The following SLAIN1 variants were observed in gnomAD, a reference collection of about 807,000 sequenced individuals.
The protein encoded by SLAIN1 is SLAIN family member 1, also known as SLAIN motif-containing protein 1.
Under a neutral mutation model 55.4 loss-of-function variants are expected in SLAIN1, and 17 were observed. The observed-to-expected ratio is 0.31, with a 90% CI of 0.21 to 0.46. SLAIN1 has a LOEUF of 0.46. Ranked by LOEUF, SLAIN1 falls within the 20% of genes least tolerant of loss-of-function variation. The probability of loss-of-function intolerance (pLI) is 1.00; values close to 1 mark genes in which losing one functional copy is unlikely to be tolerated. For missense variants in SLAIN1, 682 were observed against 785.1 expected, an observed-to-expected ratio of 0.87 and a Z score of 1.57; for synonymous variants, 348 against 337.4, an observed-to-expected ratio of 1.03 and a Z score of -0.35.
chr13:77,698,887 G>C lies in SLAIN1; in HGVS notation c.626+348G>C, dbSNP rs953634278. ...TCATCTTGTCTTTTTGCTCAGTGCT[G>C]CTCTTTTCCCCAGTGTTTTCGGAGG... On this transcript the variant is annotated intron_variant, in intron 1 of 6. Coordinates refer to ENST00000418532, the MANE Select transcript of SLAIN1 (RefSeq NM_001242868.2). This position sits in a 1 kb window ranked among gnomAD's most constrained non-coding sequence, Gnocchi z 4.1. The C allele has an allele frequency of 3.9e-6, 6 of 1,531,356 alleles. No individual in the cohort carries two copies. Among genetic ancestry groups the C allele is most frequent in the Admixed American group, 3.9e-5 (2 of 50,916 alleles). The allele number at this position is 1,531,356 out of a possible 1,614,324, so 94.9% of individuals were successfully genotyped here.
chr13:77,759,991 A>G (rs576275314), intron 5 of SLAIN1, among the ~76,000 whole-genome samples: 1 of 152,202 alleles, frequency 6.6e-6, no homozygotes, highest in Non-Finnish European at 1.5e-5. Flanking sequence ...TTTATTTCAA[A>G]AAAGTATTTA....
rs1208314566 is a variant in SLAIN1, at chr13:77,698,546, C to A, written c.626+7C>A. 2 of 1,423,438 alleles carry A rather than the reference C, an allele frequency of 1.4e-6. No homozygotes were observed. The highest frequency in any genetic ancestry group is 1.8e-6 in the Non-Finnish European group (2 of 1,099,376). The allele number at this position is 1,423,438 out of a possible 1,614,324, so 88.2% of individuals were successfully genotyped here. A position where few individuals can be genotyped will look rare whatever the true frequency, so the allele number is the denominator to read the frequency against. On this transcript the variant is annotated splice_region_variant and intron_variant, in intron 1 of 6. Transcript: ENST00000418532. The surrounding 1 kb of genome is among the most constrained non-coding windows in gnomAD (Gnocchi z 4.1). ...ACGAGGACGACTACACCTGGTACTG[C>A]CTGGCTCCGCTCCTTCCCCGAGACC... is the stretch of plus-strand genomic sequence containing the variant.
intron 2 of SLAIN1, among the ~76,000 whole-genome samples, chr13:77,724,835 A>AC (rs2091293247): frequency 6.6e-6 from 1 of 152,098 alleles, no homozygotes; most frequent in South Asian, 2.1e-4. Flanking sequence ...GGTGTGCTGC[A>AC]CCCAGTAACT....
chr13:77,713,182 A>G (rs983285486), intron 1 of SLAIN1, among the ~76,000 whole-genome samples: 2 of 152,240 alleles, frequency 1.3e-5, no homozygotes, highest in African/African-American at 4.8e-5. Flanking sequence ...ACCAAGAGCA[A>G]TGGCAACAAA....
At chr13:77,741,198 A>G in intron 2 of SLAIN1, 1 of 985,720 alleles carries the variant, frequency 1.0e-6, no homozygotes, top group Non-Finnish European at 1.2e-6. Flanking sequence ...GTATAAAATA[A>G]CATCATCTGT....
rs977718132 is a variant in SLAIN1 at position 77,715,630 on chromosome 13, C to T, written c.627-3902C>T. 7.9e-5 allele frequency among the ~76,000 whole-genome samples: 12 copies of T among 152,204 alleles called. 1 individual carries two copies. The highest frequency in any genetic ancestry group is 5.2e-4 in the Admixed American group (8 of 15,274). On this transcript the variant is annotated intron_variant, in intron 1 of 6. Transcript: ENST00000418532. ...GGTAGTATTTTTCATTTTAGCCATTCCAATAGGTATGTGGTAGAATCTCAT... is the reference window on the plus strand; with the variant it reads ...GGTAGTATTTTTCATTTTAGCCATTTCAATAGGTATGTGGTAGAATCTCAT...
At position 77,698,306 on chromosome 13, in the gene SLAIN1, C is replaced by T; in HGVS notation, c.393C>T (p.Pro131=). The T allele has an allele frequency of 2.1e-6, 3 of 1,445,012 alleles. No individual in the cohort carries two copies. The highest frequency in any genetic ancestry group is 3.1e-5 in the East Asian group (1 of 31,978). 89.5% of individuals were successfully genotyped at this position (1,445,012 alleles called of 1,614,324 possible). A position where few individuals can be genotyped will look rare whatever the true frequency, so the allele number is the denominator to read the frequency against. Residue 131 remains proline, a synonymous_variant, in exon 1 of 7, where the codon CCC becomes CCT. Transcript: ENST00000418532. The surrounding 1 kb of genome is among the most constrained non-coding windows in gnomAD (Gnocchi z 4.1). ...CGGGCACCTTCTGCCTGCCTAGCCC[C>T]GCGCCCTCCCTGCTTTGCAGCCTGG... ...AFPGTFCLPS[P]APSLLCSLAQ... is the part of the protein sequence containing the mutation.
intron 2 of SLAIN1, among the ~76,000 whole-genome samples, chr13:77,734,677 C>T (rs751060524): frequency 1.2e-3 from 189 of 152,272 alleles, no homozygotes; most frequent in Non-Finnish European, 1.9e-3. Flanking sequence ...AAGTAGAAAA[C>T]TCCTACAGAA....
Position 77,697,820 on chromosome 13 carries a change from G to T in SLAIN1, c.-94G>T. 8.5e-7 allele frequency: 1 copy of T among 1,177,366 alleles called. No homozygotes were observed. The highest frequency in any genetic ancestry group is 1.0e-6 in the Non-Finnish European group (1 of 952,420). 72.9% of individuals were successfully genotyped at this position (1,177,366 alleles called of 1,614,324 possible). On this transcript the variant is annotated 5_prime_UTR_variant, in exon 1 of 7. Transcript: ENST00000418532. Reference sequence around the variant, plus strand: ...GCGCGTGGTCGGCCCCCCAGGCCGGGGCGACAGGGAAGGAGCCGTAGCCTC... The same window carrying T: ...GCGCGTGGTCGGCCCCCCAGGCCGGTGCGACAGGGAAGGAGCCGTAGCCTC...
chr13:77,745,521 C>CA (rs1873756011), intron 3 of SLAIN1, among the ~76,000 whole-genome samples: 1 of 151,934 alleles, frequency 6.6e-6, no homozygotes, highest in Non-Finnish European at 1.5e-5. Flanking sequence ...GATAAAGTTA[C>CA]AAAAAATTAT....
intron 4 of SLAIN1, among the ~76,000 whole-genome samples, chr13:77,750,341 A>G (rs1468604888): frequency 1.3e-5 from 2 of 152,154 alleles, no homozygotes; most frequent in Non-Finnish European, 2.9e-5. Flanking sequence ...AAGCTCAATT[A>G]ATTTTCTCAA....
intron 3 of SLAIN1, 77 bp downstream of exon 3, chr13:77,744,509 C>T: frequency 6.3e-7 from 1 of 1,596,944 alleles, no homozygotes; most frequent in East Asian, 2.2e-5. Flanking sequence ...TCAGGCATTT[C>T]TCTCCAGGTA....
Position 77,698,677 on chromosome 13 carries a change from A to G in SLAIN1, c.626+138A>G. On this transcript the variant is annotated intron_variant, in intron 1 of 6. Transcript: ENST00000418532. This position sits in a 1 kb window ranked among gnomAD's most constrained non-coding sequence, Gnocchi z 4.1. ...CCGCGGCTCCCGGAGGGGCCGACCC[A>G]GCAGGTGTTGAGCCAGGCGGTGACA... 1 of 1,261,774 alleles carries G rather than the reference A, an allele frequency of 7.9e-7. No individual in the cohort carries two copies. Among genetic ancestry groups the G allele is most frequent in the East Asian group, 2.9e-5 (1 of 34,024 alleles). 78.2% of individuals were successfully genotyped at this position (1,261,774 alleles called of 1,614,324 possible).
chr13:77,697,819 G>A lies in SLAIN1; in HGVS notation c.-95G>A. The A allele has an allele frequency of 1.7e-6, 2 of 1,175,060 alleles. No individual in the cohort carries two copies. Among genetic ancestry groups the A allele is most frequent in the Non-Finnish European group, 2.1e-6 (2 of 950,656 alleles). The allele number at this position is 1,175,060 out of a possible 1,614,324, so 72.8% of individuals were successfully genotyped here. A position where few individuals can be genotyped will look rare whatever the true frequency, so the allele number is the denominator to read the frequency against. On this transcript the variant is annotated 5_prime_UTR_variant, in exon 1 of 7. Coordinates refer to ENST00000418532, the MANE Select transcript of SLAIN1 (RefSeq NM_001242868.2). The stretch of plus-strand genomic sequence containing the variant: ...CGCGCGTGGTCGGCCCCCCAGGCCG[G>A]GGCGACAGGGAAGGAGCCGTAGCCT...
chr13:77,714,376 C>T (rs544527043), intron 1 of SLAIN1, among the ~76,000 whole-genome samples: 1 of 152,184 alleles, frequency 6.6e-6, no homozygotes, highest in East Asian at 1.9e-4. Context: ...CCTTGAGAGG[C>T]TAAGGCAGGA....
At chr13:77,730,328 C>T (rs900715065) in intron 2 of SLAIN1, among the ~76,000 whole-genome samples, 3 of 152,100 alleles carry the variant, frequency 2.0e-5, no homozygotes, top group African/African-American at 4.8e-5. Context: ...TTTTGGAAAT[C>T]TGGTGAACTG....
In SLAIN1 at chr13:77,719,610, A is replaced by G. The variant is rs1422511423; in HGVS notation, c.705A>G (p.Leu235=). 3 of 1,613,446 alleles carry G rather than the reference A, an allele frequency of 1.9e-6. No individual in the cohort carries two copies. Among genetic ancestry groups the G allele is most frequent in the Admixed American group, 1.7e-5 (1 of 59,948 alleles). The change falls in exon 2 of 7, where the codon CTA becomes CTG. Residue 235 remains leucine, a synonymous_variant. Coordinates refer to ENST00000418532, the MANE Select transcript of SLAIN1 (RefSeq NM_001242868.2). ...LTPLQWCRHV[L]DNPTPEMEAA... Reference sequence around the variant, plus strand: ...CTTTGCAGTGGTGTAGACATGTCCTAGATAACCCAACTCCTGAGATGGAAG... The same window carrying G: ...CTTTGCAGTGGTGTAGACATGTCCTGGATAACCCAACTCCTGAGATGGAAG...
At chr13:77,746,973 T>TTGGA in intron 4 of SLAIN1, 118 bp downstream of exon 4, 1 of 914,662 alleles carries the variant, frequency 1.1e-6, no homozygotes, top group Non-Finnish European at 1.6e-6. Flanking sequence ...GTCTCCTAGG[T>TTGGA]TGGAGTGCAG....
rs1209209232 is a variant in SLAIN1 at position 77,760,741 on chromosome 13, A to G, written c.1415-87A>G. ...TCCTGTGTATATTGTACTCTCAGGC[A>G]TAATGGACTCTTCTGAAAATAACAC... On this transcript the variant is annotated intron_variant, in intron 5 of 6. Coordinates refer to ENST00000418532, the MANE Select transcript of SLAIN1 (RefSeq NM_001242868.2). The G allele has an allele frequency of 2.8e-6, 4 of 1,415,950 alleles. No homozygotes were observed. In the African/African-American group the frequency reaches 5.6e-5, roughly 20 times the overall value. The allele number at this position is 1,415,950 out of a possible 1,614,324, so 87.7% of individuals were successfully genotyped here.
Sources: allele counts gnomAD v4.1 joint callset (sites outside exome capture counted in the v4.1 genomes callset), GRCh38; gene constraint gnomAD v4.1.1; non-coding constraint Gnocchi (gnomAD v3.1); transcripts MANE v1.5; gene names NCBI Gene and HGNC (gene_info 2026-07-23, HGNC 2026-07-21).